Variants in FARS2 observed in about 807,000 individuals in gnomAD.
FARS2 encodes phenylalanyl-tRNA synthetase 2, mitochondrial, also known as phenylalanine--tRNA ligase, mitochondrial.
Under a neutral mutation model 46.4 loss-of-function variants are expected in FARS2, and 40 were observed. The observed-to-expected ratio is 0.86, with a 90% CI of 0.67 to 1.12. FARS2 has a LOEUF of 1.12. Ranked by LOEUF, FARS2 falls within the 50% of genes most tolerant of loss-of-function variation. The pLI, the probability that FARS2 is intolerant of heterozygous loss-of-function variation, is 0.00. For missense variants in FARS2, 513 were observed against 567.9 expected (o/e 0.90, Z 0.98); for synonymous variants, 234 against 214.9 (o/e 1.09, Z -0.78).
At chr6:5,488,366 C>A (rs942359390) in intron 4 of FARS2, among the ~76,000 whole-genome samples, 4 of 152,206 alleles carry the variant, frequency 2.6e-5, no homozygotes, top group African/African-American at 9.6e-5. Context: ...TCCACCAGTT[C>A]TATCAGAGCT....
At chr6:5,718,209 C>T (rs574241552) in intron 6 of FARS2, among the ~76,000 whole-genome samples, 35 of 152,120 alleles carry the variant, frequency 2.3e-4, no homozygotes, top group Non-Finnish European at 3.5e-4. Flanking sequence ...CCACCATGCC[C>T]GGCCAGTATC....
At chr6:5,535,126 A>G (rs1770116112) in intron 4 of FARS2, among the ~76,000 whole-genome samples, 2 of 152,126 alleles carry the variant, frequency 1.3e-5, no homozygotes, top group African/African-American at 4.8e-5. Flanking sequence ...GATAATGTTG[A>G]GTATCTTTTC....
intron 6 of FARS2, among the ~76,000 whole-genome samples, chr6:5,711,767 G>A (rs1759186236): frequency 6.6e-6 from 1 of 152,256 alleles, no homozygotes; most frequent in East Asian, 1.9e-4. Context: ...AGAGCCTGAG[G>A]AGGCATGACA....
intron 1 of FARS2, among the ~76,000 whole-genome samples, chr6:5,306,142 A>G (rs543702723): frequency 1.3e-5 from 2 of 152,212 alleles, no homozygotes; most frequent in South Asian, 2.1e-4. Context: ...TTCTTGATTT[A>G]TCTTGTGTGA....
chr6:5,482,180 C>T (rs1766504327), intron 4 of FARS2, among the ~76,000 whole-genome samples: 1 of 151,714 alleles, frequency 6.6e-6, no homozygotes, highest in Admixed American at 6.6e-5. Context: ...TGCCACATTT[C>T]AAAAAGTCTA....
At chr6:5,428,545 C>T (rs922152084) in intron 3 of FARS2, among the ~76,000 whole-genome samples, 9 of 152,128 alleles carry the variant, frequency 5.9e-5, no homozygotes, top group Admixed American at 2.6e-4. Context: ...TTTCCGCTTA[C>T]GTGCCAAGAG....
intron 1 of FARS2, among the ~76,000 whole-genome samples, chr6:5,333,029 A>G (rs1581804631): frequency 6.6e-6 from 1 of 152,208 alleles, no homozygotes; most frequent in East Asian, 1.9e-4. Context: ...AATTTAATCC[A>G]TAATATTTTG....
chr6:5,262,588 AG>A, intron 1 of FARS2, among the ~76,000 whole-genome samples: 1 of 152,138 alleles, frequency 6.6e-6, no homozygotes, highest in Non-Finnish European at 1.5e-5. Context: ...CTCTATTTTC[AG>A]GAACTTTAAA....
chr6:5,668,608 G>T (rs1373458113), intron 6 of FARS2, among the ~76,000 whole-genome samples: 1 of 151,730 alleles, frequency 6.6e-6, no homozygotes, highest in Non-Finnish European at 1.5e-5. Context: ...GGCTTAGAAG[G>T]AATATCCAAG....
At chr6:5,619,012 G>C (rs1775624612) in intron 6 of FARS2, among the ~76,000 whole-genome samples, 1 of 152,180 alleles carries the variant, frequency 6.6e-6, no homozygotes, top group Non-Finnish European at 1.5e-5. Context: ...AGGAATTATG[G>C]TGTTGTTTTT....
At chr6:5,531,468 T>A (rs1264116253) in intron 4 of FARS2, among the ~76,000 whole-genome samples, 2 of 152,038 alleles carry the variant, frequency 1.3e-5, no homozygotes, top group Admixed American at 1.3e-4. Flanking sequence ...CCAAAGTGAG[T>A]TTTTTTGAGA....
At chr6:5,281,085 G>T (rs1318276530) in intron 1 of FARS2, among the ~76,000 whole-genome samples, 1 of 152,158 alleles carries the variant, frequency 6.6e-6, no homozygotes, top group East Asian at 1.9e-4. Context: ...AATTTCCTTT[G>T]TAGGGCTAAC....
At chr6:5,265,192 A>G (rs756384824) in intron 1 of FARS2, among the ~76,000 whole-genome samples, 6 of 152,242 alleles carry the variant, frequency 3.9e-5, no homozygotes, top group Non-Finnish European at 5.9e-5. Context: ...AGTTTCACCT[A>G]TGGGAAGGCT....
At chr6:5,420,132 A>G (rs570636579) in intron 3 of FARS2, among the ~76,000 whole-genome samples, 2 of 152,232 alleles carry the variant, frequency 1.3e-5, no homozygotes, top group South Asian at 4.2e-4. Flanking sequence ...TAAAACCATC[A>G]ACTCTTGTGA....
chr6:5,500,296 T>G (rs572318651), intron 4 of FARS2, among the ~76,000 whole-genome samples: 7 of 152,356 alleles, frequency 4.6e-5, no homozygotes, highest in African/African-American at 1.4e-4. Context: ...CTTCAGCTTC[T>G]TGAGAAAAGG....
rs1039391609 is a variant in FARS2, at chr6:5,659,733, T to G, written c.1217+46413T>G. Among the ~76,000 whole-genome samples, 15 of 152,164 alleles carry G rather than the reference T, an allele frequency of 9.9e-5. 1 individual carries two copies. The highest frequency in any genetic ancestry group is 5.9e-4 in the Admixed American group (9 of 15,276). On this transcript the variant is annotated intron_variant, in intron 6 of 6. Coordinates refer to ENST00000274680, the MANE Select transcript of FARS2 (RefSeq NM_006567.5). ...ATCATGGTTCTTGCCTTCCAGTAAT[T>G]TATAGTCTAGTTGAAGGATACAAGC... is the stretch of plus-strand genomic sequence containing the variant.
intron 5 of FARS2, among the ~76,000 whole-genome samples, chr6:5,605,068 A>G (rs1774753373): frequency 6.6e-6 from 1 of 152,226 alleles, no homozygotes; most frequent in African/African-American, 2.4e-5. Flanking sequence ...GCTGCTTTGT[A>G]GGCTGCACTT....
At chr6:5,344,914 C>T (rs896243691) in intron 1 of FARS2, among the ~76,000 whole-genome samples, 6 of 151,866 alleles carry the variant, frequency 4.0e-5, no homozygotes, top group East Asian at 3.9e-4. Context: ...CTCAACCTCC[C>T]GGGTAGCTGG....
chr6:5,316,969 G>A (rs537075717), intron 1 of FARS2, among the ~76,000 whole-genome samples: 1 of 152,288 alleles, frequency 6.6e-6, no homozygotes, highest in African/African-American at 2.4e-5. Flanking sequence ...AGACCCCCTT[G>A]TGAAGGGCAC....
Sources: allele counts gnomAD v4.1 joint callset (sites outside exome capture counted in the v4.1 genomes callset), GRCh38; gene constraint gnomAD v4.1.1; transcripts MANE v1.5; gene names NCBI Gene and HGNC (gene_info 2026-07-23, HGNC 2026-07-21).